The following TCF7L2 variants were observed in gnomAD, a reference collection of about 807,000 sequenced individuals.
The protein encoded by TCF7L2 is transcription factor 7 like 2.
A neutral mutation model predicts 77.9 loss-of-function variants in TCF7L2; 23 were observed. That is an observed-to-expected ratio of 0.30 (90% CI 0.21 to 0.42). The LOEUF (loss-of-function observed/expected upper bound fraction) is 0.42, where lower values mean the gene tolerates loss of function less well. Among genes scored for constraint, TCF7L2 ranks in the 10% least tolerant of loss-of-function variants. TCF7L2 has a pLI of 1.00. For missense variants in TCF7L2, 654 were observed against 793.1 expected, an observed-to-expected ratio of 0.82 and a Z score of 2.11; for synonymous variants, 413 against 340.2, an observed-to-expected ratio of 1.21 and a Z score of -2.36.
At chr10:113,063,935 G>A (rs940131630) in intron 5 of TCF7L2, among the ~76,000 whole-genome samples, 93 of 150,110 alleles carry the variant, frequency 6.2e-4, no homozygotes, top group South Asian at 2.1e-4. Flanking sequence ...TCGTTGGATG[G>A]ATGGATGATG....
At chr10:113,140,842 C>A (rs11196240) in intron 5 of TCF7L2, among the ~76,000 whole-genome samples, 76 of 152,264 alleles carry the variant, frequency 5.0e-4, no homozygotes, top group Non-Finnish European at 9.0e-4. Flanking sequence ...CATGTGGAAA[C>A]GCAGTAGGCA....
At chr10:113,071,078 G>C (rs561975369) in intron 5 of TCF7L2, among the ~76,000 whole-genome samples, 1 of 152,274 alleles carries the variant, frequency 6.6e-6, no homozygotes, top group African/African-American at 2.4e-5. Context: ...TTAGCAAATG[G>C]AAGGGTTTTT....
chr10:113,073,548 T>G (rs1591353610), intron 5 of TCF7L2, among the ~76,000 whole-genome samples: 1 of 133,324 alleles, frequency 7.5e-6, no homozygotes, highest in Admixed American at 7.6e-5. Context: ...AAAAATTAGC[T>G]GGGGGTGGTG....
At chr10:113,055,162 GTTTTAA>G (rs1564833121) in intron 5 of TCF7L2, among the ~76,000 whole-genome samples, 1 of 152,156 alleles carries the variant, frequency 6.6e-6, no homozygotes, top group Non-Finnish European at 1.5e-5. Flanking sequence ...TGGTTTGCTG[GTTTTAA>G]TTTTAATTCA....
At chr10:113,082,297 C>G (rs2059388851) in intron 5 of TCF7L2, among the ~76,000 whole-genome samples, 1 of 151,660 alleles carries the variant, frequency 6.6e-6, no homozygotes, top group African/African-American at 2.4e-5. Flanking sequence ...TTCAGAATTA[C>G]CCATATAATG....
intron 5 of TCF7L2, among the ~76,000 whole-genome samples, chr10:113,065,307 C>T (rs1169441752): frequency 2.0e-5 from 3 of 152,218 alleles, no homozygotes; most frequent in African/African-American, 4.8e-5. Context: ...AGTTTGGAAA[C>T]ATTTTAGGTG....
chr10:113,000,492 C>T (rs2044277982), intron 4 of TCF7L2, among the ~76,000 whole-genome samples: 1 of 152,120 alleles, frequency 6.6e-6, no homozygotes, highest in Admixed American at 6.6e-5. Flanking sequence ...TTCTTAGGCC[C>T]AGAAAGGCAA....
At chr10:113,012,656 T>G (rs2046654194) in intron 4 of TCF7L2, among the ~76,000 whole-genome samples, 1 of 152,166 alleles carries the variant, frequency 6.6e-6, no homozygotes, top group Non-Finnish European at 1.5e-5. Flanking sequence ...GGAAGGCCTT[T>G]AACTTGTCTC....
intron 4 of TCF7L2, among the ~76,000 whole-genome samples, chr10:112,991,900 A>G (rs999353470): frequency 6.6e-6 from 1 of 152,204 alleles, no homozygotes; most frequent in Non-Finnish European, 1.5e-5. Context: ...TGAGCCACAT[A>G]CAGAGGTGGC....
At chr10:112,993,010 G>T (rs900805581) in intron 4 of TCF7L2, among the ~76,000 whole-genome samples, 5 of 151,884 alleles carry the variant, frequency 3.3e-5, no homozygotes, top group Middle Eastern at 3.4e-3. Flanking sequence ...TAATCCACCC[G>T]CCTCGGCCTC....
At chr10:112,951,996 C>T (rs10885396) in intron 3 of TCF7L2, 86,497 of 151,634 alleles carry the variant, frequency 0.57, 24,891 homozygotes, top group African/African-American at 0.65. Context: ...TGTGGCTCTT[C>T]CTTTGCTCTC....
At chr10:113,051,242 C>CACACAG (rs1473680031) in intron 5 of TCF7L2, among the ~76,000 whole-genome samples, 6 of 148,576 alleles carry the variant, frequency 4.0e-5, no homozygotes, top group African/African-American at 1.5e-4. Flanking sequence ...CACACACACA[C>CACACAG]AGACACATAC....
intron 5 of TCF7L2, among the ~76,000 whole-genome samples, chr10:113,096,133 T>C (rs1293760534): frequency 6.6e-6 from 1 of 152,188 alleles, no homozygotes; most frequent in Non-Finnish European, 1.5e-5. Context: ...GGGTTTCCCA[T>C]ATGAGAATAT....
At chr10:113,037,114 T>G (rs1431530414) in intron 4 of TCF7L2, among the ~76,000 whole-genome samples, 1 of 152,218 alleles carries the variant, frequency 6.6e-6, no homozygotes, top group Non-Finnish European at 1.5e-5. Flanking sequence ...TTATTTTCCC[T>G]ATTAATAAGC....
chr10:112,988,603 C>G (rs2041989986), intron 4 of TCF7L2, among the ~76,000 whole-genome samples: 2 of 152,134 alleles, frequency 1.3e-5, no homozygotes, highest in African/African-American at 4.8e-5. Flanking sequence ...CAGTTTGAAC[C>G]TTAGTATTAT....
chr10:112,965,819 T>A (rs1348506645), intron 4 of TCF7L2, among the ~76,000 whole-genome samples: 1 of 152,132 alleles, frequency 6.6e-6, no homozygotes, highest in African/African-American at 2.4e-5. Context: ...TCAGCAGACA[T>A]TTTTATTTGG....
chr10:113,089,290 A>G (rs551737513), intron 5 of TCF7L2: 8 of 1,242,124 alleles, frequency 6.4e-6, no homozygotes, highest in African/African-American at 6.1e-5. Flanking sequence ...TGGAGCTTCT[A>G]TAGAAATGTG....
intron 5 of TCF7L2, chr10:113,126,741 C>G (rs957248587): frequency 1.0e-6 from 1 of 985,640 alleles, no homozygotes; most frequent in Non-Finnish European, 1.2e-6. Context: ...CGCGGGTGCG[C>G]GGCGGCGGCG....
chr10:113,110,493 T>C lies in TCF7L2; in HGVS notation c.553-30691T>C, dbSNP rs948448723. ...GTCCTTAATTGGTTCTATATATTTA[T>C]ACGTGAGACACAGCAATAAACATGT... On this transcript the variant is annotated intron_variant, in intron 5 of 13. Coordinates refer to ENST00000627217, the MANE Select transcript of TCF7L2 (RefSeq NM_001146274.2). Among the ~76,000 whole-genome samples, 4 of 151,730 alleles carry C rather than the reference T, an allele frequency of 2.6e-5. No individual in the cohort carries two copies. The East Asian group carries it at 5.9e-4, about 22-fold the overall frequency.
Sources: gnomAD v4.1 joint callset for allele counts (sites outside exome capture counted in the v4.1 genomes callset) on GRCh38, gnomAD v4.1.1 for gene constraint, MANE v1.5 for transcripts, NCBI Gene and HGNC (gene_info 2026-07-23, HGNC 2026-07-21) for gene names.